PABIR3: variants seen among roughly 807,000 people sequenced by gnomAD.
PABIR3 encodes the protein PABIR family member 3, also known as PABIR family member 1.
In PABIR3, 20 loss-of-function variants were observed where a neutral mutation model predicts 23.1. That is an observed-to-expected ratio of 0.86 (90% CI 0.61 to 1.26). The LOEUF is 1.26. Ranked by LOEUF, PABIR3 falls within the 50% of genes most tolerant of loss-of-function variation. The pLI, the probability that PABIR3 is intolerant of heterozygous loss-of-function variation, is 0.00. For synonymous variants in PABIR3, 69 were observed against 68.5 expected (o/e 1.01, Z -0.04); for missense variants, 189 against 195.4 (o/e 0.97, Z 0.20).
At chrX:134,825,947 A>T (rs978324872) in intron 3 of PABIR3, among the ~76,000 whole-genome samples, 4 of 105,415 alleles carry the variant, frequency 3.8e-5, no homozygotes, top group African/African-American at 1.4e-4. Context: ...AAGTGCTAGG[A>T]TTACAGGTGT....
At chrX:134,824,747 C>T (rs2081434223) in intron 3 of PABIR3, among the ~76,000 whole-genome samples, 2 of 111,559 alleles carry the variant, frequency 1.8e-5, no homozygotes, top group South Asian at 7.5e-4. Context: ...TTGCATTGAG[C>T]CAAAATTGGG....
chrX:134,853,990 AGTT>A, intron 10 of PABIR3, 98 bp from the exon 11 acceptor site: 1 of 897,359 alleles, frequency 1.1e-6, no homozygotes, highest in Non-Finnish European at 1.5e-6. Flanking sequence ...GACAAGTGCC[AGTT>A]GTTAGTCATG....
intron 6 of PABIR3, among the ~76,000 whole-genome samples, chrX:134,846,261 G>C (rs759105536): frequency 8.9e-6 from 1 of 111,864 alleles, no homozygotes; most frequent in Admixed American, 9.5e-5. Context: ...CTCCCACCAG[G>C]TTCCTTCCAC....
At chrX:134,847,542 G>A in intron 7 of PABIR3, 67 bp downstream of exon 7, 1 of 795,436 alleles carries the variant, frequency 1.3e-6, no homozygotes, top group South Asian at 2.4e-5. Context: ...GAACATTAAT[G>A]GTCACCAAAA....
chrX:134,862,156 T>G, the PABIR3 span, among the ~76,000 whole-genome samples: 14 of 95,243 alleles, frequency 1.5e-4, no homozygotes, highest in South Asian at 1.6e-3. Flanking sequence ...TTTTTTTTTT[T>G]TTTTTTTTTT....
intron 6 of PABIR3, among the ~76,000 whole-genome samples, chrX:134,847,006 A>G (rs1296892902): frequency 1.8e-5 from 2 of 112,483 alleles, no homozygotes; most frequent in Non-Finnish European, 3.7e-5. Context: ...TCTAAGTTCT[A>G]GCCAAAACCT....
upstream of PABIR3, chrX:134,796,479 A>T: frequency 3.3e-6 from 1 of 301,202 alleles, no homozygotes; most frequent in Non-Finnish European, 5.9e-6. Context: ...ATGAAGGAAA[A>T]GGATGAAGGA....
intron 6 of PABIR3, 41 bp downstream of exon 6, chrX:134,845,442 T>A (rs1476219766): frequency 9.6e-7 from 1 of 1,043,269 alleles, no homozygotes; most frequent in Non-Finnish European, 1.3e-6. Context: ...AATTTCAAAT[T>A]TTTACTGACT....
At chrX:134,825,823 C>T (rs776717750) in intron 3 of PABIR3, among the ~76,000 whole-genome samples, 147 of 103,045 alleles carry the variant, frequency 1.4e-3, no homozygotes, top group Non-Finnish European at 2.0e-3. Flanking sequence ...CTACCACGCC[C>T]GGATCTTTTT....
upstream of PABIR3, among the ~76,000 whole-genome samples, chrX:134,805,989 T>C (rs1409248462): frequency 8.9e-6 from 1 of 112,505 alleles, no homozygotes; most frequent in Non-Finnish European, 1.9e-5. Context: ...ATTTGCCTTG[T>C]CTGCCAGTTC....
intron 1 of PABIR3, among the ~76,000 whole-genome samples, chrX:134,799,202 G>T (rs1191264424): frequency 2.7e-5 from 3 of 111,316 alleles, no homozygotes; most frequent in Admixed American, 9.6e-5. Flanking sequence ...TAATTTTTTT[G>T]ATTTTCAAGA....
intron 4 of PABIR3, 24 bp downstream of exon 4, chrX:134,829,306 A>C: frequency 4.3e-6 from 5 of 1,161,608 alleles, no homozygotes; most frequent in Non-Finnish European, 5.8e-6. Flanking sequence ...CCAAACTGAC[A>C]GCTGTTCATT....
chrX:134,828,010 G>GCTCTCTCT (rs1167724649), intron 3 of PABIR3, among the ~76,000 whole-genome samples: 42 of 61,291 alleles, frequency 6.9e-4, no homozygotes, highest in East Asian at 1.1e-3. Context: ...CTAGCTCAGT[G>GCTCTCTCT]CTCTCTCTCT....
chrX:134,861,384 A>G, the PABIR3 span, among the ~76,000 whole-genome samples: 1 of 111,321 alleles, frequency 9.0e-6, no homozygotes, highest in African/African-American at 3.3e-5. Context: ...ATGTTAAAAA[A>G]CCAACAACTA....
At chrX:134,861,879 G>A in the PABIR3 span, among the ~76,000 whole-genome samples, 1 of 110,344 alleles carries the variant, frequency 9.1e-6, no homozygotes, top group South Asian at 3.8e-4. Flanking sequence ...AGAGGATGTG[G>A]TATGAAGCAT....
At chrX:134,823,161 G>T (rs1188292251) in intron 3 of PABIR3, among the ~76,000 whole-genome samples, 1 of 110,664 alleles carries the variant, frequency 9.0e-6, no homozygotes, top group Non-Finnish European at 1.9e-5. Flanking sequence ...GAAAAAATAT[G>T]TATAACAAAT....
chrX:134,833,654 G>A (rs2081884021), intron 4 of PABIR3, among the ~76,000 whole-genome samples: 2 of 110,569 alleles, frequency 1.8e-5, no homozygotes, highest in African/African-American at 6.6e-5. Flanking sequence ...CTGTCATCTA[G>A]GTTCCCTCCC....
In PABIR3 at chrX:134,822,379, T is replaced by G. The variant is rs2081329973; in HGVS notation, c.190-6847T>G. 3 of 750,790 alleles carry G rather than the reference T, an allele frequency of 4.0e-6. No individual in the cohort carries two copies. The East Asian group carries it at 4.5e-4, about 113-fold the overall frequency. 61.9% of individuals were successfully genotyped at this position (750,790 alleles called of 1,213,427 possible). A position where few individuals can be genotyped will look rare whatever the true frequency, so the allele number is the denominator to read the frequency against. On this transcript the variant is annotated intron_variant, in intron 3 of 10. Coordinates refer to ENST00000645433, the MANE Select transcript of PABIR3 (RefSeq NM_001388447.1). ...GTTTTCTGCAATTAATTTCTCACAT[T>G]ATTACTAAAAGAATCAGCCAATACA... is the stretch of plus-strand genomic sequence containing the variant.
At chrX:134,815,732 T>A (rs1334874137) in intron 3 of PABIR3, among the ~76,000 whole-genome samples, 1 of 108,455 alleles carries the variant, frequency 9.2e-6, no homozygotes, top group Non-Finnish European at 1.9e-5. Flanking sequence ...CAGGCTGGAG[T>A]GCAGTGACAT....
Sources: gnomAD v4.1 joint callset for allele counts (sites outside exome capture counted in the v4.1 genomes callset) on GRCh38, gnomAD v4.1.1 for gene constraint, MANE v1.5 for transcripts, NCBI Gene and HGNC (gene_info 2026-07-23, HGNC 2026-07-21) for gene names.